The following ADAMTS20 variants were observed in gnomAD, a reference collection of about 807,000 sequenced individuals.
ADAMTS20 encodes A disintegrin and metalloproteinase with thrombospondin motifs 20.
In ADAMTS20, 225 loss-of-function variants were observed where a neutral mutation model predicts 260.1. The observed-to-expected ratio is 0.87, with a 90% CI of 0.78 to 0.97. The LOEUF (loss-of-function observed/expected upper bound fraction) is 0.97, where lower values mean the gene tolerates loss of function less well. ADAMTS20 is among the 50% of genes least tolerant of loss of function. ADAMTS20 has a pLI of 0.00. For synonymous variants in ADAMTS20, 802 were observed against 769.5 expected (o/e 1.04, Z -0.70); for missense variants, 2,400 against 2,337.7 (o/e 1.03, Z -0.55).
rs1380957660 is a variant in ADAMTS20, at chr12:43,502,388, T to C, written c.631A>G (p.Thr211Ala). The C allele has an allele frequency of 6.3e-7, 1 of 1,587,012 alleles. No homozygotes were observed. Reference protein sequence around the residue: ...CSVSESQIKETSLPFHTYSNM... With the variant: ...CSVSESQIKEASLPFHTYSNM... ...CTGTAGGTATGAAAGGGTAAACTGG[T>C]TTCCTTTATTTGACTTTCTAGGGAG... The change falls in exon 4 of 39, where the codon ACC becomes GCC. Residue 211 changes from threonine (T) to alanine (A), a missense_variant. Thr to Ala is a moderately conservative substitution (Grantham distance 58). Coordinates refer to ENST00000389420, the MANE Select transcript of ADAMTS20 (RefSeq NM_025003.5).
intron 14 of ADAMTS20, among the ~76,000 whole-genome samples, chr12:43,451,059 A>C (rs1941855865): frequency 6.6e-6 from 1 of 152,198 alleles, no homozygotes; most frequent in Admixed American, 6.5e-5. Flanking sequence ...ATGGATTTAA[A>C]CAATCTGGTT....
intron 7 of ADAMTS20, among the ~76,000 whole-genome samples, chr12:43,474,452 C>G (rs1460149245): frequency 3.3e-5 from 5 of 149,662 alleles, no homozygotes; most frequent in African/African-American, 9.8e-5. Flanking sequence ...CTATTCCAAT[C>G]AATAGAAAAA....
At chr12:43,499,269 A>G (rs980652916) in intron 4 of ADAMTS20, among the ~76,000 whole-genome samples, 1 of 152,190 alleles carries the variant, frequency 6.6e-6, no homozygotes, top group Admixed American at 6.5e-5. Flanking sequence ...TGTCTTCAAC[A>G]GAAACCTGCT....
At chr12:43,488,734 C>T (rs1030241529) in intron 7 of ADAMTS20, among the ~76,000 whole-genome samples, 4 of 152,216 alleles carry the variant, frequency 2.6e-5, no homozygotes, top group East Asian at 1.9e-4. Context: ...ATTGTAAGTG[C>T]CTACTCTTGC....
chr12:43,549,377 C>A (rs1451512476), intron 2 of ADAMTS20, among the ~76,000 whole-genome samples: 2 of 151,880 alleles, frequency 1.3e-5, no homozygotes, highest in East Asian at 3.8e-4. Flanking sequence ...ACTCAAAAAT[C>A]TTTAACTGCT....
At chr12:43,530,982 T>A (rs1943213161) in intron 3 of ADAMTS20, among the ~76,000 whole-genome samples, 1 of 152,014 alleles carries the variant, frequency 6.6e-6, no homozygotes, top group African/African-American at 2.4e-5. Context: ...AGTATCTAGG[T>A]ATATATCCTG....
intron 7 of ADAMTS20, among the ~76,000 whole-genome samples, chr12:43,471,108 G>C (rs549729432): frequency 6.6e-6 from 1 of 152,222 alleles, no homozygotes; most frequent in South Asian, 2.1e-4. Flanking sequence ...CCAGACAGTG[G>C]GCGCAGGCCA....
intron 16 of ADAMTS20, among the ~76,000 whole-genome samples, chr12:43,441,576 C>A (rs75184281): frequency 0.03 from 4,596 of 152,056 alleles, 118 homozygotes; most frequent in Middle Eastern, 0.11. Flanking sequence ...TAATCAGGAT[C>A]AAGTTTGAAA....
chr12:43,478,702 C>A (rs1942396754), intron 7 of ADAMTS20, among the ~76,000 whole-genome samples: 1 of 152,088 alleles, frequency 6.6e-6, no homozygotes. Context: ...AGGCACAACA[C>A]AATCATATAT....
At position 43,405,108 on chromosome 12, in the gene ADAMTS20, T is replaced by C. The variant is rs1051586880; in HGVS notation, c.4285-5875A>G. ...GATAAGGAAAATATTTAAAATTAAA[T>C]AGAGGCCAGGTGGGGTGGCTCATGC... is the stretch of plus-strand genomic sequence containing the variant. On this transcript the variant is annotated intron_variant, in intron 28 of 38. Transcript: ENST00000389420. Among the ~76,000 whole-genome samples, 9 of 151,162 alleles carry C rather than the reference T, an allele frequency of 6.0e-5. No homozygotes were observed. In the East Asian group the frequency reaches 1.2e-3, roughly 20 times the overall value.
intron 28 of ADAMTS20, among the ~76,000 whole-genome samples, chr12:43,411,363 T>G: frequency 6.6e-6 from 1 of 152,032 alleles, no homozygotes; most frequent in East Asian, 1.9e-4. Flanking sequence ...TGTTTGTTTG[T>G]TTGTTTGTTT....
rs1054225685 is a variant in ADAMTS20, at chr12:43,552,172, C to G, written c.-251G>C. Among the ~76,000 whole-genome samples the G allele has an allele frequency of 6.6e-6, 1 of 152,224 alleles. No individual in the cohort carries two copies. Among genetic ancestry groups the G allele is most frequent in the African/African-American group, 2.4e-5 (1 of 41,462 alleles). On this transcript the variant is annotated 5_prime_UTR_variant, in exon 1 of 39. Coordinates refer to ENST00000389420, the MANE Select transcript of ADAMTS20 (RefSeq NM_025003.5). ...TGCGCCCGCGCTGCCCTCAGAAACT[C>G]TCTGCTCAGGTTCAGCTCGGCGCGG... is the stretch of plus-strand genomic sequence containing the variant.
chr12:43,516,053 G>A (rs548202093), intron 3 of ADAMTS20, among the ~76,000 whole-genome samples: 3 of 146,290 alleles, frequency 2.1e-5, no homozygotes, highest in Non-Finnish European at 3.0e-5. Context: ...CCGCCCCACC[G>A]CCTTCAGTTT....
intron 14 of ADAMTS20, among the ~76,000 whole-genome samples, chr12:43,449,573 CAAA>C (rs1941827252): frequency 6.6e-6 from 1 of 151,928 alleles, no homozygotes; most frequent in African/African-American, 2.4e-5. Flanking sequence ...ATCTGTACAA[CAAA>C]ACCCTGTTAC....
At chr12:43,409,990 A>C (rs983251005) in intron 28 of ADAMTS20, among the ~76,000 whole-genome samples, 9 of 152,200 alleles carry the variant, frequency 5.9e-5, no homozygotes, top group Non-Finnish European at 7.4e-5. Context: ...ATGCCTTAAA[A>C]ATTTTGAGGG....
chr12:43,518,817 GA>G (rs34834714), intron 3 of ADAMTS20, among the ~76,000 whole-genome samples: 51,899 of 111,896 alleles, frequency 0.46, 9,950 homozygotes, highest in East Asian at 0.73. Flanking sequence ...ACTGGCTCAG[GA>G]AAAAAAAAAA....
chr12:43,551,851 A>G lies in ADAMTS20; in HGVS notation c.71T>C (p.Val24Ala). ...LSLFITRSWEVDFHPRQEALV... is the reference protein window; with the variant it reads ...LSLFITRSWEADFHPRQEALV... ...TTTACCTTGCCTGGGGTGGAAGTCA[A>G]CTTCCCAAGACCTGGTGATGAAGAG... is the stretch of plus-strand genomic sequence containing the variant. The change falls in exon 1 of 39, where the codon GTT (valine) becomes GCT (alanine). Residue 24 changes from valine to alanine, a missense_variant. Coordinates refer to ENST00000389420, the MANE Select transcript of ADAMTS20 (RefSeq NM_025003.5). This position sits in a 1 kb window ranked among gnomAD's most constrained non-coding sequence, Gnocchi z 4.6. 6.2e-7 allele frequency: 1 copy of G among 1,613,660 alleles called. No individual in the cohort carries two copies. Among genetic ancestry groups the G allele is most frequent in the South Asian group, 1.1e-5 (1 of 91,084 alleles).
chr12:43,536,123 C>T (rs1943291532), intron 2 of ADAMTS20, among the ~76,000 whole-genome samples: 1 of 151,908 alleles, frequency 6.6e-6, no homozygotes, highest in Admixed American at 6.6e-5. Context: ...TAATTCTTTT[C>T]CACCTAATAA....
At chr12:43,509,666 G>A (rs1189527209) in intron 3 of ADAMTS20, among the ~76,000 whole-genome samples, 1 of 152,134 alleles carries the variant, frequency 6.6e-6, no homozygotes, top group African/African-American at 2.4e-5. Flanking sequence ...AAGAATGCTG[G>A]TTGCTTCAGG....
Sources: allele counts gnomAD v4.1 joint callset (sites outside exome capture counted in the v4.1 genomes callset), GRCh38; gene constraint gnomAD v4.1.1; non-coding constraint Gnocchi (gnomAD v3.1); transcripts MANE v1.5; gene names NCBI Gene and HGNC (gene_info 2026-07-23, HGNC 2026-07-21).